SELENOO: variants seen among roughly 807,000 people sequenced by gnomAD.
The protein encoded by SELENOO is selenoprotein O.
A neutral mutation model predicts 58.7 loss-of-function variants in SELENOO; 74 were observed. The ratio of observed to expected loss-of-function variants is 1.26; its 90% CI spans 1.04 to 1.53. SELENOO has a LOEUF of 1.53. SELENOO is among the 40% of genes most tolerant of loss of function. The pLI is 0.00. For missense variants in SELENOO, 1,149 were observed against 970.0 expected (o/e 1.18, Z -2.45); for synonymous variants, 543 against 453.2 (o/e 1.20, Z -2.52).
At chr22:50,202,744 CTGCTAGAATATATT>C (rs1172916689) in intron 1 of SELENOO, among the ~76,000 whole-genome samples, 8 of 152,132 alleles carry the variant, frequency 5.3e-5, no homozygotes, top group Admixed American at 6.5e-5. Flanking sequence ...GACCTGAGAG[CTGCTAGAATATATT>C]TTCTCCTAAA....
chr22:50,217,428 G>A lies in SELENOO; in HGVS notation c.*59G>A, dbSNP rs2064430630. The A allele has an allele frequency of 3.8e-6, 6 of 1,582,534 alleles. No individual in the cohort carries two copies. The highest frequency in any genetic ancestry group is 2.3e-5 in the East Asian group (1 of 43,996). ...CCGAGGCCCCCATGTGCTGCTGAGT[G>A]GCCAAGATGATGCCAGGCTGCCCTA... On this transcript the variant is annotated 3_prime_UTR_variant, in exon 9 of 9. Transcript: ENST00000380903.
intron 4 of SELENOO, 95 bp downstream of exon 4, chr22:50,210,406 C>G: frequency 6.7e-7 from 1 of 1,496,916 alleles, no homozygotes; most frequent in Non-Finnish European, 9.1e-7. Context: ...GCCCGTGATG[C>G]TTGAGGGGGA....
At chr22:50,212,833 C>T (rs989431764) in intron 5 of SELENOO, among the ~76,000 whole-genome samples, 1 of 151,778 alleles carries the variant, frequency 6.6e-6, no homozygotes, top group Non-Finnish European at 1.5e-5. Flanking sequence ...GCAGCGTGTG[C>T]CTGTTTCTTC....
intron 1 of SELENOO, among the ~76,000 whole-genome samples, chr22:50,203,019 C>T (rs1445559057): frequency 6.6e-6 from 1 of 152,218 alleles, no homozygotes; most frequent in Non-Finnish European, 1.5e-5. Context: ...TGAAGAGATT[C>T]AGTATAGTCC....
intron 3 of SELENOO, 58 bp from the exon 4 acceptor site, chr22:50,210,123 G>T: frequency 6.3e-7 from 1 of 1,579,458 alleles, no homozygotes. Flanking sequence ...GGATGGACAC[G>T]AGTGGGGAGG....
chr22:50,208,467 C>T (rs752190519), intron 2 of SELENOO, 69 bp from the exon 3 acceptor site: 2 of 1,431,860 alleles, frequency 1.4e-6, no homozygotes, highest in African/African-American at 1.4e-5. Flanking sequence ...AACGTCTTTT[C>T]CTTTTTCTTA....
In SELENOO at chr22:50,210,690, A is replaced by G. The variant is rs763719098; in HGVS notation, c.1130A>G (p.Lys377Arg). ...SDNTGRYAYSKQPEVCRWNLR... is the reference protein window; with the variant it reads ...SDNTGRYAYSRQPEVCRWNLR... Reference sequence around the variant, plus strand: ...AACACCGGCCGCTACGCGTACAGCAAGCAGCCCGAGGTGTGCAGGTGGAAC... The same window carrying G: ...AACACCGGCCGCTACGCGTACAGCAGGCAGCCCGAGGTGTGCAGGTGGAAC... Residue 377 changes from lysine (K) to arginine (R), a missense_variant, in exon 5 of 9, where the codon AAG becomes AGG. By Grantham distance (26) the Lys-to-Arg change is conservative. Transcript: ENST00000380903. 2.5e-6 allele frequency: 4 copies of G among 1,613,212 alleles called. No homozygotes were observed. In the South Asian group the frequency reaches 3.3e-5, roughly 13 times the overall value.
In SELENOO at chr22:50,217,398, G is replaced by A; in HGVS notation, c.*29G>A. ...CCTCGGCACGCTCCACACCCCTGGAGTCTCCCGAGGCCCCCATGTGCTGCT... is the reference window on the plus strand; with the variant it reads ...CCTCGGCACGCTCCACACCCCTGGAATCTCCCGAGGCCCCCATGTGCTGCT... On this transcript the variant is annotated 3_prime_UTR_variant, in exon 9 of 9. Transcript: ENST00000380903. The A allele has an allele frequency of 1.9e-6, 3 of 1,607,562 alleles. No homozygotes were observed. The highest frequency in any genetic ancestry group is 2.5e-6 in the Non-Finnish European group (3 of 1,178,242).
intron 6 of SELENOO, 132 bp downstream of exon 6, chr22:50,215,999 T>A (rs2294402): frequency 2.8e-6 from 2 of 723,212 alleles, no homozygotes; most frequent in Non-Finnish European, 4.5e-6. Flanking sequence ...CAGGGACAGA[T>A]TCAGTCAGGG....
chr22:50,203,049 A>G (rs1278783153), intron 1 of SELENOO, among the ~76,000 whole-genome samples: 1 of 152,250 alleles, frequency 6.6e-6, no homozygotes, highest in Non-Finnish European at 1.5e-5. Flanking sequence ...TACCAATGAC[A>G]GTTTTTGCAA....
rs2064364414 is a variant in SELENOO at position 50,210,715 on chromosome 22, C to A, written c.1155C>A (p.Asn385Lys). The A allele has an allele frequency of 1.2e-6, 2 of 1,613,308 alleles. No homozygotes were observed. The highest frequency in any genetic ancestry group is 2.7e-5 in the African/African-American group (2 of 74,952). Residue 385 changes from asparagine (N) to lysine (K), a missense_variant, in exon 5 of 9, where the codon AAC (asparagine) becomes AAA (lysine). Physicochemically the swap from Asn to Lys is moderately conservative, Grantham distance 94. Coordinates refer to ENST00000380903, the MANE Select transcript of SELENOO (RefSeq NM_031454.2). Reference sequence around the variant, plus strand: ...AGCAGCCCGAGGTGTGCAGGTGGAACCTGCGGAAGCTGGCCGAGGCCCTGC... The same window carrying A: ...AGCAGCCCGAGGTGTGCAGGTGGAAACTGCGGAAGCTGGCCGAGGCCCTGC... ...YSKQPEVCRW[N>K]LRKLAEALQP...
intron 5 of SELENOO, among the ~76,000 whole-genome samples, chr22:50,212,802 T>G (rs1209483748): frequency 6.6e-6 from 1 of 150,682 alleles, no homozygotes; most frequent in Non-Finnish European, 1.5e-5. Flanking sequence ...CTCCCTCTAA[T>G]CTTCGTTTAA....
At position 50,206,837 on chromosome 22, in the gene SELENOO, C is replaced by G. The variant is rs757925101; in HGVS notation, c.758+317C>G. On this transcript the variant is annotated intron_variant, in intron 2 of 8. Transcript: ENST00000380903. The stretch of plus-strand genomic sequence containing the variant: ...CGGGAGCTGGTGTGTCTCAAAGCAC[C>G]AGCAGGGGGCTCCAGGGCCACGGGC... Among the ~76,000 whole-genome samples, 3 of 152,160 alleles carry G rather than the reference C, an allele frequency of 2.0e-5. No individual in the cohort carries two copies. In the South Asian group the frequency reaches 6.2e-4, roughly 32 times the overall value.
In SELENOO at chr22:50,210,197, C is replaced by T. The variant is rs1437569574; in HGVS notation, c.956C>T (p.Ala319Val). 5.0e-6 allele frequency: 8 copies of T among 1,613,350 alleles called. No individual in the cohort carries two copies. Among genetic ancestry groups the T allele is most frequent in the Middle Eastern group, 3.3e-4 (2 of 6,060 alleles). ...CCACCCCAGGTGACGCGGCGCACGGCGCGGATGGTGGCCGAGTGGCAGTGT... is the reference window on the plus strand; with the variant it reads ...CCACCCCAGGTGACGCGGCGCACGGTGCGGATGGTGGCCGAGTGGCAGTGT... ...AFFREVTRRT[A>V]RMVAEWQCVG... The change falls in exon 4 of 9, where the codon GCG becomes GTG. Residue 319 changes from alanine (A) to valine (V), a missense_variant. Physicochemically the swap from Ala to Val is moderately conservative, Grantham distance 64. Transcript: ENST00000380903.
chr22:50,201,396 C>T lies in SELENOO; in HGVS notation c.360C>T (p.Ala120=). ...CCGCGCGCGAGGCCGAGGCCGAGGC[C>T]GCGCTGTTCTTCAGCGGCAACGCGC... ...APPAREAEAE[A]ALFFSGNALL... The change falls in exon 1 of 9, where the codon GCC becomes GCT. Residue 120 remains alanine (A), a synonymous_variant. Coordinates refer to ENST00000380903, the MANE Select transcript of SELENOO (RefSeq NM_031454.2). The T allele has an allele frequency of 7.7e-7, 1 of 1,302,746 alleles. No individual in the cohort carries two copies. The highest frequency in any genetic ancestry group is 9.8e-7 in the Non-Finnish European group (1 of 1,022,264). The allele number at this position is 1,302,746 out of a possible 1,614,324, so 80.7% of individuals were successfully genotyped here.
At chr22:50,210,976 C>T in intron 5 of SELENOO, 65 bp downstream of exon 5, 1 of 1,573,658 alleles carries the variant, frequency 6.4e-7, no homozygotes, top group East Asian at 2.2e-5. Flanking sequence ...AGATGGTTTA[C>T]CTTCTGGCTT....
rs1209212761 is a variant in SELENOO at position 50,201,054 on chromosome 22, A to C, written c.18A>C (p.Ala6=). 2.8e-5 allele frequency: 37 copies of C among 1,343,630 alleles called. No individual in the cohort carries two copies. Among genetic ancestry groups the C allele is most frequent in the African/African-American group, 1.5e-4 (10 of 64,688 alleles). 83.2% of individuals were successfully genotyped at this position (1,343,630 alleles called of 1,614,324 possible). ...GGCCGCGGATGGCCGTATACAGGGCAGCGCTCGGGGCTTCGCTCGCGGCTG... is the reference window on the plus strand; with the variant it reads ...GGCCGCGGATGGCCGTATACAGGGCCGCGCTCGGGGCTTCGCTCGCGGCTG... MAVYR[A]ALGASLAAAR... Residue 6 remains alanine, a synonymous_variant, in exon 1 of 9, where the codon GCA becomes GCC. Coordinates refer to ENST00000380903, the MANE Select transcript of SELENOO (RefSeq NM_031454.2).
chr22:50,215,576 C>A (rs1157434446), intron 5 of SELENOO, 141 bp from the exon 6 acceptor site: 16 of 560,818 alleles, frequency 2.9e-5, no homozygotes, highest in Non-Finnish European at 4.4e-5. Flanking sequence ...TCCGTGCTGG[C>A]GGTGGGGGGC....
chr22:50,210,422 G>A (rs1176812919), intron 4 of SELENOO, 111 bp downstream of exon 4: 11 of 1,414,678 alleles, frequency 7.8e-6, no homozygotes, highest in East Asian at 2.4e-5. Flanking sequence ...GGGGAGCCGA[G>A]GGGGCTGGGG....
Sources: allele counts gnomAD v4.1 joint callset (sites outside exome capture counted in the v4.1 genomes callset), GRCh38; gene constraint gnomAD v4.1.1; transcripts MANE v1.5; gene names NCBI Gene and HGNC (gene_info 2026-07-23, HGNC 2026-07-21).